The following NIPSNAP1 variants were observed in gnomAD, a reference collection of about 807,000 sequenced individuals.
The protein encoded by NIPSNAP1 is protein NipSnap homolog 1.
Under a neutral mutation model 49.2 loss-of-function variants are expected in NIPSNAP1, and 25 were observed. That is an observed-to-expected ratio of 0.51 (90% CI 0.37 to 0.71). The LOEUF (loss-of-function observed/expected upper bound fraction) is 0.71. NIPSNAP1 is among the 30% of genes least tolerant of loss of function. The pLI is 0.00. For synonymous variants in NIPSNAP1, 143 were observed against 140.7 expected (o/e 1.02, Z -0.12); for missense variants, 294 against 361.0 (o/e 0.81, Z 1.50).
chr22:29,559,090 C>T, intron 8 of NIPSNAP1, 137 bp from the exon 9 acceptor site: 1 of 714,378 alleles, frequency 1.4e-6, no homozygotes, highest in Non-Finnish European at 2.6e-6. Context: ...AGACTATTAG[C>T]AAACACTGTC....
chr22:29,573,078 C>T (rs760620141), intron 1 of NIPSNAP1, among the ~76,000 whole-genome samples: 5 of 151,986 alleles, frequency 3.3e-5, no homozygotes, highest in Non-Finnish European at 5.9e-5. Context: ...TGCTCTGTCG[C>T]CAGGCTGGAG....
rs2064430279 is a variant in NIPSNAP1 at position 29,573,995 on chromosome 22, C to A, written c.99-3463G>T. On this transcript the variant is annotated intron_variant, in intron 1 of 9. Coordinates refer to ENST00000216121, the MANE Select transcript of NIPSNAP1 (RefSeq NM_003634.4). ...AAGAGGCTGGGCATGGTGGCTCATG[C>A]CTGTAATCCTAGCATTTTGGGAGGC... Among the ~76,000 whole-genome samples, 3 of 151,682 alleles carry A rather than the reference C, an allele frequency of 2.0e-5. No homozygotes were observed. In the East Asian group the frequency reaches 5.8e-4, roughly 29 times the overall value.
Position 29,578,521 on chromosome 22 carries a change from T to C in NIPSNAP1, c.98+2464A>G, listed in dbSNP as rs1193152861. Among the ~76,000 whole-genome samples, 6 of 151,094 alleles carry C rather than the reference T, an allele frequency of 4.0e-5. No homozygotes were observed. In the East Asian group the frequency reaches 1.2e-3, roughly 29 times the overall value. On this transcript the variant is annotated intron_variant, in intron 1 of 9. Coordinates refer to ENST00000216121, the MANE Select transcript of NIPSNAP1 (RefSeq NM_003634.4). ...ACACTCCATCCCCACCCCAGCAGCC[T>C]CATTGCCCCCAAACCTCACAGGCCA... is the stretch of plus-strand genomic sequence containing the variant.
intron 3 of NIPSNAP1, among the ~76,000 whole-genome samples, chr22:29,569,653 C>T (rs1345855186): frequency 7.0e-6 from 1 of 143,022 alleles, no homozygotes; most frequent in African/African-American, 2.6e-5. Flanking sequence ...CTCACTGGAA[C>T]CTCCGCCTCC....
chr22:29,573,964 C>CA (rs1440713122), intron 1 of NIPSNAP1, among the ~76,000 whole-genome samples: 1 of 149,728 alleles, frequency 6.7e-6, no homozygotes, highest in East Asian at 2.0e-4. Context: ...CAAAACAAAA[C>CA]AAAAAAAGAG....
At chr22:29,573,079 C>G (rs2064422888) in intron 1 of NIPSNAP1, among the ~76,000 whole-genome samples, 1 of 151,982 alleles carries the variant, frequency 6.6e-6, no homozygotes, top group Non-Finnish European at 1.5e-5. Flanking sequence ...GCTCTGTCGC[C>G]AGGCTGGAGT....
At chr22:29,565,402 C>T (rs1055093955) in intron 4 of NIPSNAP1, among the ~76,000 whole-genome samples, 6 of 152,062 alleles carry the variant, frequency 3.9e-5, no homozygotes, top group Admixed American at 2.0e-4. Context: ...GTCCCAGCTA[C>T]TCGGGAGCCT....
rs543413546 is a variant in NIPSNAP1, at chr22:29,556,567, C to G, written c.791-568G>C. Among the ~76,000 whole-genome samples, 18 of 152,116 alleles carry G rather than the reference C, an allele frequency of 1.2e-4. No homozygotes were observed. In the South Asian group the frequency reaches 3.5e-3, roughly 30 times the overall value. On this transcript the variant is annotated intron_variant, in intron 9 of 9. Coordinates refer to ENST00000216121, the MANE Select transcript of NIPSNAP1 (RefSeq NM_003634.4). ...AAACACTGATTTAGACCAACTGCCT[C>G]GTTTTACAGATAGAGAGGGTGCAGC... is the stretch of plus-strand genomic sequence containing the variant.
chr22:29,570,682 G>A (rs2064401883), intron 1 of NIPSNAP1, 150 bp from the exon 2 acceptor site: 1 of 1,061,736 alleles, frequency 9.4e-7, no homozygotes, highest in Non-Finnish European at 1.3e-6. Flanking sequence ...ACTGTGAAAT[G>A]CTATTGGAGC....
intron 9 of NIPSNAP1, 54 bp downstream of exon 9, chr22:29,558,816 G>C (rs781268093): frequency 3.6e-5 from 46 of 1,295,084 alleles, no homozygotes; most frequent in Non-Finnish European, 4.8e-5. Flanking sequence ...TTGCAGAGAG[G>C]ATTCCATCCT....
At chr22:29,577,145 G>C (rs1000371435) in intron 1 of NIPSNAP1, among the ~76,000 whole-genome samples, 1 of 149,100 alleles carries the variant, frequency 6.7e-6, no homozygotes, top group Admixed American at 6.6e-5. Flanking sequence ...CTGGAGTGCA[G>C]TGACACAATC....
intron 4 of NIPSNAP1, among the ~76,000 whole-genome samples, chr22:29,565,096 C>T (rs1361682670): frequency 6.6e-6 from 1 of 151,860 alleles, no homozygotes; most frequent in African/African-American, 2.4e-5. Context: ...CCCAGCTACT[C>T]GAGAAGTTGA....
Position 29,565,301 on chromosome 22 carries a change from C to G in NIPSNAP1, c.368-3439G>C, listed in dbSNP as rs557412580. 2.7e-4 allele frequency among the ~76,000 whole-genome samples: 41 copies of G among 152,104 alleles called. No homozygotes were observed. In the South Asian group the frequency reaches 6.0e-3, roughly 22 times the overall value. On this transcript the variant is annotated intron_variant, in intron 4 of 9. Transcript: ENST00000216121. The stretch of plus-strand genomic sequence containing the variant: ...CCGAGGCAGGTGGATCAACTGTGGT[C>G]AGGAGTTCGAGACCAGCCTGGCCAA...
At chr22:29,571,704 C>T (rs1316265687) in intron 1 of NIPSNAP1, among the ~76,000 whole-genome samples, 1 of 152,196 alleles carries the variant, frequency 6.6e-6, no homozygotes, top group African/African-American at 2.4e-5. Flanking sequence ...CAAGCCTTAT[C>T]CCTTTTTTCT....
intron 7 of NIPSNAP1, 85 bp from the exon 8 acceptor site, chr22:29,560,913 A>C: frequency 7.7e-7 from 1 of 1,305,224 alleles, no homozygotes; most frequent in Non-Finnish European, 1.1e-6. Flanking sequence ...ACTTCACAGG[A>C]GGGGCCTAGG....
At chr22:29,569,948 C>T in intron 3 of NIPSNAP1, 1 of 566,200 alleles carries the variant, frequency 1.8e-6, no homozygotes, top group Non-Finnish European at 3.2e-6. Context: ...GAGATCGCGC[C>T]ATTGCACTCC....
rs2064277717 is a variant in NIPSNAP1 at position 29,554,954 on chromosome 22, T to A, written c.*981A>T. The A allele has an allele frequency of 6.6e-6, 1 of 152,538 alleles. No homozygotes were observed. The highest frequency in any genetic ancestry group is 6.5e-5 in the Admixed American group (1 of 15,272). 9.4% of individuals were successfully genotyped at this position (152,538 alleles called of 1,614,324 possible). The stretch of plus-strand genomic sequence containing the variant: ...AGAGTCACTGACCCCTCCCGCCACC[T>A]CCACACACCAGGTGGCCCTGCAGAA... On this transcript the variant is annotated 3_prime_UTR_variant, in exon 10 of 10. Transcript: ENST00000216121.
At chr22:29,570,367 T>G (rs2064399152) in intron 2 of NIPSNAP1, 38 bp downstream of exon 2, 2 of 1,613,666 alleles carry the variant, frequency 1.2e-6, no homozygotes, top group African/African-American at 1.3e-5. Flanking sequence ...CCAGAGCCCC[T>G]GAAAGGGCAG....
chr22:29,578,066 T>C (rs2064468471), intron 1 of NIPSNAP1, among the ~76,000 whole-genome samples: 1 of 150,220 alleles, frequency 6.7e-6, no homozygotes, highest in South Asian at 2.1e-4. Flanking sequence ...CCCAGCTAAT[T>C]TTTGTATTTT....
Sources: gnomAD v4.1 joint callset for allele counts (sites outside exome capture counted in the v4.1 genomes callset) on GRCh38, gnomAD v4.1.1 for gene constraint, MANE v1.5 for transcripts, NCBI Gene and HGNC (gene_info 2026-07-23, HGNC 2026-07-21) for gene names.